ANO7: variants seen among roughly 807,000 people sequenced by gnomAD.
ANO7 encodes the protein anoctamin-7.
In ANO7, 114 loss-of-function variants were observed where a neutral mutation model predicts 115.8. The observed-to-expected ratio is 0.98, with a 90% confidence interval of 0.85 to 1.15. The LOEUF is 1.15. ANO7 is among the 50% of genes most tolerant of loss of function. The pLI is 0.00. For synonymous variants in ANO7, 550 were observed against 498.2 expected (o/e 1.10, Z -1.38); for missense variants, 1,302 against 1,201.2 (o/e 1.08, Z -1.24).
At chr2:241,212,042 T>A (rs549997730) in intron 15 of ANO7, 52 bp from the exon 16 acceptor site, 479 of 1,507,976 alleles carry the variant, frequency 3.2e-4, no homozygotes, top group Admixed American at 8.9e-4. Context: ...GGGCCCCTAG[T>A]TGGATGCTGG....
At position 241,209,534 on chromosome 2, in the gene ANO7, A is replaced by C; in HGVS notation, c.1258A>C (p.Met420Leu). The C allele has an allele frequency of 6.3e-7, 1 of 1,595,588 alleles. No homozygotes were observed. The highest frequency in any genetic ancestry group is 8.5e-7 in the Non-Finnish European group (1 of 1,171,294). Residue 420 changes from methionine to leucine, a missense_variant, in exon 13 of 25, where the codon ATG becomes CTG. Physicochemically the swap from Met to Leu is conservative, Grantham distance 15. Coordinates refer to ENST00000674324, the MANE Select transcript of ANO7 (RefSeq NM_001370694.2). The part of the protein sequence containing the change: ...PRPQFAASAP[M>L]TAPNPITGED... ...GCCCCAGTTTGCCGCCTCAGCCCCCATGACAGCCCCGAACCCCATCACGGG... is the reference window on the plus strand; with the variant it reads ...GCCCCAGTTTGCCGCCTCAGCCCCCCTGACAGCCCCGAACCCCATCACGGG...
At chr2:241,190,215 C>T (rs373712262) in intron 2 of ANO7, 44 bp downstream of exon 2, 198 of 1,511,088 alleles carry the variant, frequency 1.3e-4, no homozygotes, top group Non-Finnish European at 1.7e-4. Context: ...AGAGGTCCTC[C>T]CCTGCCTGGG....
intron 13 of ANO7, 42 bp downstream of exon 13, chr2:241,209,677 T>C: frequency 6.7e-7 from 1 of 1,501,998 alleles, no homozygotes; most frequent in Non-Finnish European, 8.8e-7. Context: ...TCCATCCTCC[T>C]GCACCATGTG....
At chr2:241,191,419 A>G (rs941676954) in intron 3 of ANO7, among the ~76,000 whole-genome samples, 168 bp downstream of exon 3, 27 of 152,012 alleles carry the variant, frequency 1.8e-4, no homozygotes, top group African/African-American at 6.3e-4. Context: ...TGAGCAAACC[A>G]CAGTGGGAAG....
rs2069114250 is a variant in ANO7 at position 241,224,610 on chromosome 2, T to C, written c.*457T>C. On this transcript the variant is annotated 3_prime_UTR_variant, in exon 25 of 25. Transcript: ENST00000674324. ...TCCTCTGGACCCACCCGCCCCTTCCTGCCCTGTTTGCGCAGGGACATCACC... is the reference window on the plus strand; with the variant it reads ...TCCTCTGGACCCACCCGCCCCTTCCCGCCCTGTTTGCGCAGGGACATCACC... 6.0e-6 allele frequency: 1 copy of C among 167,264 alleles called. No homozygotes were observed. Among genetic ancestry groups the C allele is most frequent in the Admixed American group, 5.7e-5 (1 of 17,692 alleles). The allele number at this position is 167,264 out of a possible 1,614,324, so 10.4% of individuals were successfully genotyped here. A position where few individuals can be genotyped will look rare whatever the true frequency, so the allele number is the denominator to read the frequency against.
Position 241,203,647 on chromosome 2 carries a change from C to T in ANO7, c.889+149C>T, listed in dbSNP as rs1341128197. On this transcript the variant is annotated intron_variant, in intron 9 of 24. Transcript: ENST00000674324. This position sits in a 1 kb window ranked among gnomAD's most constrained non-coding sequence, Gnocchi z 4.8. ...CTCTTGGCTCGACCGGGCTGCCCTC[C>T]TGGCTCCCCTCAAGCCCACTCACTC... The T allele has an allele frequency of 1.8e-6, 1 of 565,204 alleles. No individual in the cohort carries two copies. The allele number at this position is 565,204 out of a possible 1,614,324, so 35.0% of individuals were successfully genotyped here. A position where few individuals can be genotyped will look rare whatever the true frequency, so the allele number is the denominator to read the frequency against.
chr2:241,196,283 G>A (rs1211404696), intron 4 of ANO7: 4 of 650,530 alleles, frequency 6.1e-6, no homozygotes, highest in Admixed American at 5.3e-5. Context: ...TAAGCAACAG[G>A]TCCGGGGAGC....
rs550132573 is a variant in ANO7 at position 241,218,684 on chromosome 2, G to A, written c.2321+303G>A. Reference sequence around the variant, plus strand: ...CTCAGACACCGGATTAAAGAAGGAAGAGGTTTTTTTATTCGGCCGGGGGCG... The same window carrying A: ...CTCAGACACCGGATTAAAGAAGGAAAAGGTTTTTTTATTCGGCCGGGGGCG... On this transcript the variant is annotated intron_variant, in intron 21 of 24. Transcript: ENST00000674324. 2.6e-4 allele frequency among the ~76,000 whole-genome samples: 39 copies of A among 152,374 alleles called. 1 individual carries two copies. In the South Asian group the frequency reaches 8.1e-3, roughly 32 times the overall value.
chr2:241,196,825 C>T (rs1559440751), intron 4 of ANO7, among the ~76,000 whole-genome samples: 1 of 147,836 alleles, frequency 6.8e-6, no homozygotes, highest in South Asian at 2.2e-4. Context: ...AAATCAGCTA[C>T]TGTCAATTCA....
intron 3 of ANO7, 149 bp downstream of exon 3, chr2:241,191,400 G>A: frequency 1.1e-6 from 1 of 922,930 alleles, no homozygotes; most frequent in Non-Finnish European, 1.6e-6. Context: ...TGGGGTGAGG[G>A]CCTCGGGGTG....
intron 13 of ANO7, 66 bp from the exon 14 acceptor site, chr2:241,210,229 T>C (rs980051050): frequency 6.6e-7 from 1 of 1,512,660 alleles, no homozygotes; most frequent in Non-Finnish European, 9.2e-7. Flanking sequence ...TCGGGGGCCA[T>C]GGCCTGAGGG....
Position 241,217,886 on chromosome 2 carries a change from A to G in ANO7, c.2173A>G (p.Ser725Gly), listed in dbSNP as rs746738390. 1.9e-5 allele frequency: 30 copies of G among 1,569,794 alleles called. No individual in the cohort carries two copies. The African/African-American group carries it at 3.5e-4, about 18-fold the overall frequency. The stretch of plus-strand genomic sequence containing the variant: ...GGGCCTCACGCACCTGGCGGTCATC[A>G]GCAACGTGAGGCCCGGGCGGGAGCG... ...LAGLTHLAVI[S>G]NAFLLAFSSD... The change falls in exon 20 of 25, where the codon AGC (serine) becomes GGC (glycine). Residue 725 changes from serine to glycine, a missense_variant. Coordinates refer to ENST00000674324, the MANE Select transcript of ANO7 (RefSeq NM_001370694.2).
At chr2:241,189,182 C>T (rs1281618980) in intron 1 of ANO7, among the ~76,000 whole-genome samples, 1 of 148,216 alleles carries the variant, frequency 6.7e-6, no homozygotes, top group Non-Finnish European at 1.5e-5. Context: ...AGTGAGGCTC[C>T]CAGCCTGGGG....
rs111637209 is a variant in ANO7 at position 241,216,488 on chromosome 2, C to T, written c.1972+250C>T. ...GGCACGGGGAGGAGGCCCCCGCGGC[C>T]GTTGCAGAGCTCCCCTGGGGTCCCT... is the stretch of plus-strand genomic sequence containing the variant. On this transcript the variant is annotated intron_variant, in intron 19 of 24. Coordinates refer to ENST00000674324, the MANE Select transcript of ANO7 (RefSeq NM_001370694.2). Among the ~76,000 whole-genome samples the T allele has an allele frequency of 4.1e-4, 63 of 152,312 alleles. 1 individual carries two copies. Among genetic ancestry groups the T allele is most frequent in the African/African-American group, 1.4e-3 (58 of 41,574 alleles).
intron 21 of ANO7, among the ~76,000 whole-genome samples, chr2:241,221,050 T>C (rs1222977931): frequency 1.3e-5 from 2 of 151,894 alleles, no homozygotes; most frequent in East Asian, 3.9e-4. Flanking sequence ...AAAATGATAT[T>C]TTTATTTTTT....
In ANO7 at chr2:241,203,242, C is replaced by T. The variant is rs1161665156; in HGVS notation, c.724-91C>T. The T allele has an allele frequency of 3.7e-6, 4 of 1,071,090 alleles. No homozygotes were observed. The highest frequency in any genetic ancestry group is 5.1e-6 in the Non-Finnish European group (4 of 777,028). The allele number at this position is 1,071,090 out of a possible 1,614,324, so 66.3% of individuals were successfully genotyped here. ...AATCCCAGACTCCCAGGCCTGTCTG[C>T]CCATGTCCCACACTGAAGCCCCTGC... On this transcript the variant is annotated intron_variant, in intron 8 of 24. Transcript: ENST00000674324. The surrounding 1 kb of genome is among the most constrained non-coding windows in gnomAD (Gnocchi z 4.8).
rs769595495 is a variant in ANO7, at chr2:241,190,083, A to G, written c.20A>G (p.Gln7Arg). The G allele has an allele frequency of 4.4e-6, 7 of 1,580,852 alleles. No individual in the cohort carries two copies. The South Asian group carries it at 7.0e-5, about 16-fold the overall frequency. Reference sequence around the variant, plus strand: ...AGCAGGATGCTGCGGCGACGGGCCCAGGAAGAGGACAGCACCGTCCTGATC... The same window carrying G: ...AGCAGGATGCTGCGGCGACGGGCCCGGGAAGAGGACAGCACCGTCCTGATC... MLRRRA[Q>R]EEDSTVLIDV... Residue 7 changes from glutamine (Q) to arginine (R), a missense_variant, in exon 2 of 25, where the codon CAG becomes CGG. Transcript: ENST00000674324.
chr2:241,226,030 C>G (rs944612991), downstream of ANO7, among the ~76,000 whole-genome samples: 2 of 151,912 alleles, frequency 1.3e-5, no homozygotes, highest in Admixed American at 1.3e-4. Flanking sequence ...ATACAGGCTT[C>G]CAGGTGAACA....
At chr2:241,193,902 A>G (rs1332746129) in intron 3 of ANO7, among the ~76,000 whole-genome samples, 2 of 152,086 alleles carry the variant, frequency 1.3e-5, no homozygotes, top group Non-Finnish European at 2.9e-5. Flanking sequence ...TTTGAGACAG[A>G]GTTTCGCTCT....
Sources: gnomAD v4.1 joint callset for allele counts (sites outside exome capture counted in the v4.1 genomes callset) on GRCh38, gnomAD v4.1.1 for gene constraint, Gnocchi (gnomAD v3.1) non-coding constraint, MANE v1.5 for transcripts, NCBI Gene and HGNC (gene_info 2026-07-23, HGNC 2026-07-21) for gene names.